COPS4: variants seen among roughly 807,000 people sequenced by gnomAD.
COPS4 encodes COP9 signalosome subunit 4.
A neutral mutation model predicts 55.1 loss-of-function variants in COPS4; 8 were observed. The observed-to-expected ratio is 0.15, with a 90% confidence interval of 0.09 to 0.26. The LOEUF is 0.26. Among genes scored for constraint, COPS4 ranks in the 10% least tolerant of loss-of-function variants. The pLI, the probability that COPS4 is intolerant of heterozygous loss-of-function variation, is 1.00. For synonymous variants in COPS4, 185 were observed against 165.7 expected (o/e 1.12, Z -0.90); for missense variants, 248 against 484.0 (o/e 0.51, Z 4.58).
At chr4:83,068,678 A>G (rs1560444189) in intron 9 of COPS4, among the ~76,000 whole-genome samples, 156 bp downstream of exon 9, 2 of 152,228 alleles carry the variant, frequency 1.3e-5, no homozygotes, top group Non-Finnish European at 2.9e-5. Context: ...TTAAGAAGTT[A>G]TATTCATGAG....
intron 6 of COPS4, among the ~76,000 whole-genome samples, 159 bp downstream of exon 6, chr4:83,057,567 A>G (rs1731047418): frequency 6.6e-6 from 1 of 152,228 alleles, no homozygotes; most frequent in South Asian, 2.1e-4. Context: ...AAACAGAAAT[A>G]AAATGATTTG....
chr4:83,052,125 A>G (rs1397292603), intron 4 of COPS4, among the ~76,000 whole-genome samples: 1 of 152,134 alleles, frequency 6.6e-6, no homozygotes, highest in Non-Finnish European at 1.5e-5. Context: ...TTAAGAGAGA[A>G]TGGGAAGAGA....
At position 83,057,072 on chromosome 4, in the gene COPS4, A is replaced by G; in HGVS notation, c.557A>G (p.His186Arg). Residue 186 changes from histidine (H) to arginine (R), a missense_variant, in exon 5 of 10, where the codon CAT (histidine) becomes CGT (arginine). This residue lies in a region of COPS4 where 155 missense variants were observed against 326.6 expected (regional missense o/e 0.47). Transcript: ENST00000264389. ...TCAACCAATGAACAATTACAGATAC[A>G]TTATAAGGTAACAGATGAGTTGATT... ...NESTNEQLQI[H>R]YKVCYARVLD... The G allele has an allele frequency of 1.9e-6, 3 of 1,612,516 alleles. No homozygotes were observed. The highest frequency in any genetic ancestry group is 2.5e-6 in the Non-Finnish European group (3 of 1,179,130).
intron 9 of COPS4, among the ~76,000 whole-genome samples, chr4:83,073,839 C>A (rs1731499311): frequency 6.6e-6 from 1 of 152,060 alleles, no homozygotes; most frequent in Non-Finnish European, 1.5e-5. Context: ...TGCCTGTAGT[C>A]CCAGCTACTT....
Position 83,045,609 on chromosome 4 carries a change from A to T in COPS4, c.75-17A>T, listed in dbSNP as rs368877101. 1.9e-6 allele frequency: 3 copies of T among 1,586,838 alleles called. No homozygotes were observed. Among genetic ancestry groups the T allele is most frequent in the South Asian group, 2.2e-5 (2 of 90,486 alleles). ...ATAGTACCCTCAGAACATTATTTTC[A>T]TTTGGTATTGTTGTAGGTATCGTCA... is the stretch of plus-strand genomic sequence containing the variant. On this transcript the variant is annotated splice_polypyrimidine_tract_variant and intron_variant, in intron 1 of 9. Coordinates refer to ENST00000264389, the MANE Select transcript of COPS4 (RefSeq NM_016129.3).
At chr4:83,066,066 C>T (rs915219835) in intron 7 of COPS4, among the ~76,000 whole-genome samples, 3 of 152,062 alleles carry the variant, frequency 2.0e-5, no homozygotes. Context: ...GCATGAGAAT[C>T]ACTTGAACCT....
chr4:83,048,866 C>T (rs531189739), intron 2 of COPS4, among the ~76,000 whole-genome samples: 4 of 152,104 alleles, frequency 2.6e-5, no homozygotes, highest in East Asian at 1.9e-4. Flanking sequence ...AGGCTGGTCT[C>T]GAACTCCTGA....
rs538065473 is a variant in COPS4 at position 83,066,738 on chromosome 4, C to T, written c.1002+185C>T. Among the ~76,000 whole-genome samples the T allele has an allele frequency of 2.0e-5, 3 of 152,062 alleles. No individual in the cohort carries two copies. The East Asian group carries it at 5.8e-4, about 29-fold the overall frequency. The stretch of plus-strand genomic sequence containing the variant: ...TACATTCTTTAGAAGTTAAAATAGG[C>T]CTAGTGTTTATTAGTGGAATTGTCT... On this transcript the variant is annotated intron_variant, in intron 8 of 9. Coordinates refer to ENST00000264389, the MANE Select transcript of COPS4 (RefSeq NM_016129.3).
intron 1 of COPS4, among the ~76,000 whole-genome samples, chr4:83,038,333 G>A (rs1053734156): frequency 6.6e-6 from 1 of 152,202 alleles, no homozygotes; most frequent in African/African-American, 2.4e-5. Flanking sequence ...ATTATAATAA[G>A]AGAAAACCAA....
Position 83,050,000 on chromosome 4 carries a change from G to A in COPS4, c.410+16G>A. On this transcript the variant is annotated intron_variant, in intron 4 of 9. Coordinates refer to ENST00000264389, the MANE Select transcript of COPS4 (RefSeq NM_016129.3). ...CAGGACAAAAGTATAGTAAATAGTG[G>A]ATATTGGATGACTATATATAGGATG... The A allele has an allele frequency of 7.0e-7, 1 of 1,432,866 alleles. No homozygotes were observed. Among genetic ancestry groups the A allele is most frequent in the Non-Finnish European group, 9.8e-7 (1 of 1,024,146 alleles). 88.8% of individuals were successfully genotyped at this position (1,432,866 alleles called of 1,614,324 possible).
chr4:83,057,119 G>T (rs1238573669), intron 5 of COPS4, 40 bp downstream of exon 5: 1 of 1,572,492 alleles, frequency 6.4e-7, no homozygotes, highest in Non-Finnish European at 8.7e-7. Context: ...TTGTATTGGA[G>T]AATTGTAACA....
intron 6 of COPS4, among the ~76,000 whole-genome samples, chr4:83,058,756 T>TA (rs1731077972): frequency 6.6e-6 from 1 of 152,234 alleles, no homozygotes; most frequent in Admixed American, 6.5e-5. Flanking sequence ...GGTTTTCTAT[T>TA]GTCTGGCTTT....
intron 8 of COPS4, among the ~76,000 whole-genome samples, chr4:83,067,058 T>C (rs1252041667): frequency 1.3e-5 from 2 of 152,044 alleles, no homozygotes; most frequent in East Asian, 3.8e-4. Context: ...TTTTGTCTGT[T>C]TATTTATTTT....
At chr4:83,057,912 T>A (rs1236790935) in intron 6 of COPS4, among the ~76,000 whole-genome samples, 2 of 134,732 alleles carry the variant, frequency 1.5e-5, no homozygotes, top group African/African-American at 5.6e-5. Flanking sequence ...ACAGAGAGAC[T>A]CTGTCTCAAA....
At chr4:83,050,099 T>C in intron 4 of COPS4, 115 bp downstream of exon 4, 1 of 639,708 alleles carries the variant, frequency 1.6e-6, no homozygotes, top group East Asian at 2.9e-5. Context: ...TACAAAATTG[T>C]GTAGTATGTT....
At chr4:83,068,567 C>CTGT (rs1225246815) in intron 9 of COPS4, 45 bp downstream of exon 9, 6 of 1,204,090 alleles carry the variant, frequency 5.0e-6, no homozygotes. Flanking sequence ...TAGCAGTGAA[C>CTGT]TGTTATATTT....
In COPS4 at chr4:83,049,913, A is replaced by G; in HGVS notation, c.339A>G (p.Ile113Met). ...CCATAAGACAGCATCTTGCATCTAT[A>G]TATGAGAAAGAAGAAGATTGGAGAA... is the stretch of plus-strand genomic sequence containing the variant. Reference protein sequence around the residue: ...VASIRQHLASIYEKEEDWRNA... With the variant: ...VASIRQHLASMYEKEEDWRNA... The change falls in exon 4 of 10, where the codon ATA (isoleucine) becomes ATG (methionine). Residue 113 changes from isoleucine to methionine, a missense_variant. Ile to Met is a conservative substitution (Grantham distance 10). Around this residue, in one of 4 missense-constraint regions of COPS4, gnomAD observed 155 missense variants for 326.6 expected, o/e 0.47. Coordinates refer to ENST00000264389, the MANE Select transcript of COPS4 (RefSeq NM_016129.3). 6.2e-7 allele frequency: 1 copy of G among 1,611,552 alleles called. No individual in the cohort carries two copies. The highest frequency in any genetic ancestry group is 8.5e-7 in the Non-Finnish European group (1 of 1,179,000).
intron 6 of COPS4, among the ~76,000 whole-genome samples, chr4:83,061,634 T>G (rs1731166333): frequency 1.3e-5 from 2 of 152,220 alleles, no homozygotes; most frequent in Admixed American, 1.3e-4. Context: ...GCTTTTTATT[T>G]ATTCAGGGTA....
rs140152209 is a variant in COPS4, at chr4:83,063,216, A to C, written c.856A>C (p.Met286Leu). Residue 286 changes from methionine to leucine, a missense_variant, in exon 7 of 10, where the codon ATG (methionine) becomes CTG (leucine). Physicochemically the swap from Met to Leu is conservative, Grantham distance 15. Coordinates refer to ENST00000264389, the MANE Select transcript of COPS4 (RefSeq NM_016129.3). ...NQLQEFAAML[M>L]PHQKATTADG... ...ACTTCAAGAATTTGCTGCCATGCTG[A>C]TGCCTCACCAAAAAGCAACTACAGC... 3.1e-6 allele frequency: 5 copies of C among 1,613,186 alleles called. No individual in the cohort carries two copies. The African/African-American group carries it at 5.3e-5, about 17-fold the overall frequency.
Sources: gnomAD v4.1 joint callset for allele counts (sites outside exome capture counted in the v4.1 genomes callset) on GRCh38, gnomAD v4.1.1 for gene constraint, gnomAD v4.1.1 regional missense constraint, MANE v1.5 for transcripts, NCBI Gene and HGNC (gene_info 2026-07-23, HGNC 2026-07-21) for gene names.